The following THRB variants were observed in gnomAD, a reference collection of about 807,000 sequenced individuals.
The protein encoded by THRB is thyroid hormone receptor beta.
In THRB, 12 loss-of-function variants were observed where a neutral mutation model predicts 47.8. The ratio of observed to expected loss-of-function variants is 0.25; its 90% confidence interval spans 0.16 to 0.41. The LOEUF (loss-of-function observed/expected upper bound fraction) is 0.41, where lower values mean the gene tolerates loss of function less well. Ranked by LOEUF, THRB falls within the 10% of genes least tolerant of loss-of-function variation. The pLI is 1.00. For missense variants in THRB, 348 were observed against 589.2 expected (o/e 0.59, Z 4.24); for synonymous variants, 218 against 212.2 (o/e 1.03, Z -0.24).
rs1209106628 is a variant in THRB, at chr3:24,299,794, T to A, written c.-188-2423A>T. The stretch of plus-strand genomic sequence containing the variant: ...TTTTATTTATTTATTTATTTATTTT[T>A]TTTTTTTTAGCAAACATACCAGAGT... On this transcript the variant is annotated intron_variant, in intron 2 of 10. Transcript: ENST00000646209. Among the ~76,000 whole-genome samples, 14 of 122,270 alleles carry A rather than the reference T, an allele frequency of 1.1e-4. 1 individual carries two copies. Among genetic ancestry groups the A allele is most frequent in the East Asian group, 7.6e-4 (3 of 3,924 alleles). The allele number at this position is 122,270 out of a possible 152,430, so 80.2% of individuals were successfully genotyped here.
chr3:24,229,304 CAA>C (rs1452795088), intron 3 of THRB, among the ~76,000 whole-genome samples: 1 of 152,128 alleles, frequency 6.6e-6, no homozygotes, highest in Non-Finnish European at 1.5e-5. Flanking sequence ...CTGTTTATCC[CAA>C]GAGTGGCTAA....
At chr3:24,127,825 A>C in intron 9 of THRB, 68 bp from the exon 10 acceptor site, 1 of 1,533,484 alleles carries the variant, frequency 6.5e-7, no homozygotes, top group South Asian at 1.1e-5. Flanking sequence ...AACATACAGT[A>C]TCTTAAAAGC....
chr3:24,442,714 C>G (rs1157457422), intron 1 of THRB, among the ~76,000 whole-genome samples: 2 of 151,900 alleles, frequency 1.3e-5, no homozygotes, highest in Non-Finnish European at 2.9e-5. Context: ...ATCCCAGCTA[C>G]TCGGGAGGCT....
Position 24,458,271 on chromosome 3 carries a change from T to C in THRB, c.-261+36381A>G, listed in dbSNP as rs371877185. 7 of 152,280 alleles carry C rather than the reference T, an allele frequency of 4.6e-5. No individual in the cohort carries two copies. The East Asian group carries it at 9.6e-4, about 21-fold the overall frequency. 9.4% of individuals were successfully genotyped at this position (152,280 alleles called of 1,614,324 possible). On this transcript the variant is annotated intron_variant, in intron 1 of 10. Coordinates refer to ENST00000646209, the MANE Select transcript of THRB (RefSeq NM_001354712.2). Reference sequence around the variant, plus strand: ...TGGCTGACTGTGTGCTAGCTCTCTTTAGAGATCCTGAGCAGGCTGAAGACC... The same window carrying C: ...TGGCTGACTGTGTGCTAGCTCTCTTCAGAGATCCTGAGCAGGCTGAAGACC...
intron 5 of THRB, among the ~76,000 whole-genome samples, chr3:24,159,357 C>G (rs2038398609): frequency 6.6e-6 from 1 of 152,144 alleles, no homozygotes; most frequent in Non-Finnish European, 1.5e-5. Flanking sequence ...GAGATTGATG[C>G]TTTCGTAGTG....
chr3:24,362,800 G>T (rs1031109330), intron 1 of THRB, among the ~76,000 whole-genome samples: 11 of 152,232 alleles, frequency 7.2e-5, no homozygotes, highest in Non-Finnish European at 1.5e-4. Flanking sequence ...CATTATATTT[G>T]CCCAAGATCA....
At chr3:24,223,959 A>T (rs1207168461) in intron 4 of THRB, among the ~76,000 whole-genome samples, 6 of 152,176 alleles carry the variant, frequency 3.9e-5, no homozygotes, top group Non-Finnish European at 8.8e-5. Flanking sequence ...GGCTTGATAC[A>T]ATTTTGCCTA....
chr3:24,483,096 A>C (rs1696723541), intron 1 of THRB, among the ~76,000 whole-genome samples: 1 of 152,136 alleles, frequency 6.6e-6, no homozygotes, highest in Non-Finnish European at 1.5e-5. Context: ...TAATGTTTTC[A>C]AAAAGGTAAA....
At chr3:24,481,367 C>T (rs565580774) in intron 1 of THRB, among the ~76,000 whole-genome samples, 8 of 150,790 alleles carry the variant, frequency 5.3e-5, no homozygotes, top group East Asian at 2.0e-4. Context: ...TGAGGACACG[C>T]GGTTGCTCAT....
intron 1 of THRB, among the ~76,000 whole-genome samples, chr3:24,345,684 G>C (rs1212583217): frequency 6.6e-6 from 1 of 151,998 alleles, no homozygotes; most frequent in Non-Finnish European, 1.5e-5. Flanking sequence ...TGCTGGCCCA[G>C]GGAATTGGCA....
chr3:24,484,210 A>G (rs1344772160), intron 1 of THRB: 5 of 152,238 alleles, frequency 3.3e-5, no homozygotes, highest in African/African-American at 1.2e-4. Flanking sequence ...TTTTGAGTGC[A>G]GATGGTGTTT....
chr3:24,444,812 G>T (rs985514643), intron 1 of THRB, among the ~76,000 whole-genome samples: 21 of 152,096 alleles, frequency 1.4e-4, no homozygotes, highest in Non-Finnish European at 2.9e-4. Context: ...TTGAACTCCT[G>T]ACCTCAAGTG....
intron 2 of THRB, among the ~76,000 whole-genome samples, chr3:24,317,650 C>T (rs1404057417): frequency 6.6e-6 from 1 of 151,688 alleles, no homozygotes; most frequent in African/African-American, 2.4e-5. Flanking sequence ...AAAACAAAAA[C>T]CTAGTTAAGA....
chr3:24,392,340 G>A (rs373909059), intron 1 of THRB, among the ~76,000 whole-genome samples: 1 of 152,082 alleles, frequency 6.6e-6, no homozygotes, highest in East Asian at 1.9e-4. Flanking sequence ...TGGGGTAATT[G>A]AGATATCCAT....
chr3:24,245,210 A>T (rs953962210), intron 3 of THRB, among the ~76,000 whole-genome samples: 1 of 152,162 alleles, frequency 6.6e-6, no homozygotes, highest in Admixed American at 6.5e-5. Context: ...CTCATTGATG[A>T]AACAGAGGGC....
intron 5 of THRB, among the ~76,000 whole-genome samples, chr3:24,169,312 C>G (rs974615723): frequency 1.3e-5 from 2 of 152,140 alleles, no homozygotes; most frequent in Admixed American, 1.3e-4. Context: ...ACAACTGGTG[C>G]ATTCCATTTG....
chr3:24,462,312 A>G (rs550209998), intron 1 of THRB, among the ~76,000 whole-genome samples: 2 of 152,380 alleles, frequency 1.3e-5, no homozygotes, highest in South Asian at 4.1e-4. Flanking sequence ...ATTCCTTAGA[A>G]TTAAGAAGGT....
At chr3:24,372,930 G>C (rs561116503) in intron 1 of THRB, among the ~76,000 whole-genome samples, 3 of 152,226 alleles carry the variant, frequency 2.0e-5, no homozygotes, top group Admixed American at 6.5e-5. Flanking sequence ...TGGGCCAACA[G>C]ACATTCCACA....
At chr3:24,273,801 C>A (rs1449876) in intron 3 of THRB, among the ~76,000 whole-genome samples, 1 of 151,994 alleles carries the variant, frequency 6.6e-6, no homozygotes, top group East Asian at 1.9e-4. Context: ...ACCCCCCCAC[C>A]CCTCAAAAAC....
Sources: gnomAD v4.1 joint callset for allele counts (sites outside exome capture counted in the v4.1 genomes callset) on GRCh38, gnomAD v4.1.1 for gene constraint, MANE v1.5 for transcripts, NCBI Gene and HGNC (gene_info 2026-07-23, HGNC 2026-07-21) for gene names.